KLF12: variants seen among roughly 807,000 people sequenced by gnomAD.
KLF12 encodes the protein Krueppel-like factor 12.
Under a neutral mutation model 37.8 loss-of-function variants are expected in KLF12, and 9 were observed. The observed-to-expected ratio is 0.24, with a 90% CI of 0.14 to 0.42. KLF12 has a LOEUF of 0.42. Among genes scored for constraint, KLF12 ranks in the 10% least tolerant of loss-of-function variants. KLF12 has a pLI of 1.00. For missense variants in KLF12, 411 were observed against 516.0 expected (o/e 0.80, Z 1.97); for synonymous variants, 208 against 202.1 (o/e 1.03, Z -0.25).
chr13:74,110,566 A>G (rs1273751637), intron 1 of KLF12, among the ~76,000 whole-genome samples: 1 of 152,166 alleles, frequency 6.6e-6, no homozygotes, highest in Non-Finnish European at 1.5e-5. Flanking sequence ...AACCCTCCCA[A>G]CAAATGCAAA....
intron 1 of KLF12, among the ~76,000 whole-genome samples, chr13:73,996,106 ACC>A (rs1470311241): frequency 3.3e-5 from 5 of 152,328 alleles, no homozygotes; most frequent in African/African-American, 1.2e-4. Flanking sequence ...CATAGGCTTG[ACC>A]AGTGAAGGAA....
chr13:73,878,684 T>G (rs1338201496), intron 3 of KLF12, among the ~76,000 whole-genome samples: 1 of 149,378 alleles, frequency 6.7e-6, no homozygotes, highest in South Asian at 2.1e-4. Flanking sequence ...GAGAGTGCCA[T>G]GGGAGGAGGT....
chr13:73,712,098 G>A (rs1875441374), intron 7 of KLF12, among the ~76,000 whole-genome samples: 1 of 152,150 alleles, frequency 6.6e-6, no homozygotes, highest in South Asian at 2.1e-4. Flanking sequence ...CAGCACTTTG[G>A]GAGGCTGAGG....
chr13:74,229,404 C>T, the KLF12 span, among the ~76,000 whole-genome samples: 6 of 152,164 alleles, frequency 3.9e-5, no homozygotes, highest in African/African-American at 1.2e-4. Context: ...GCCAGGTTCA[C>T]GAGTTCTACC....
At chr13:73,794,669 C>A (rs928726051) in intron 5 of KLF12, among the ~76,000 whole-genome samples, 2 of 152,124 alleles carry the variant, frequency 1.3e-5, no homozygotes, top group Admixed American at 6.5e-5. Flanking sequence ...TCCCCTTCTC[C>A]TGATGAAGTA....
chr13:73,979,661 TAAACTAAATA>T, intron 2 of KLF12, among the ~76,000 whole-genome samples: 1 of 152,094 alleles, frequency 6.6e-6, no homozygotes, highest in East Asian at 1.9e-4. Context: ...CATTATGAAA[TAAACTAAATA>T]AAGCACAAGG....
the KLF12 span, among the ~76,000 whole-genome samples, chr13:74,181,233 C>G: frequency 6.6e-6 from 1 of 151,682 alleles, no homozygotes; most frequent in African/African-American, 2.4e-5. Flanking sequence ...CTCCTGACCT[C>G]GTGATCCACC....
At chr13:74,241,387 C>T in the KLF12 span, among the ~76,000 whole-genome samples, 38 of 152,250 alleles carry the variant, frequency 2.5e-4, no homozygotes, top group Admixed American at 2.5e-3. Flanking sequence ...GAGGTTACTG[C>T]TGTCTTTTTG....
intron 1 of KLF12, among the ~76,000 whole-genome samples, chr13:74,001,635 A>G (rs1566499663): frequency 1.3e-5 from 2 of 152,256 alleles, no homozygotes; most frequent in South Asian, 2.1e-4. Context: ...GATAAATCCT[A>G]TTCAAATGCA....
At chr13:73,726,247 G>C (rs1004261977) in intron 6 of KLF12, among the ~76,000 whole-genome samples, 16 of 152,212 alleles carry the variant, frequency 1.1e-4, no homozygotes, top group Non-Finnish European at 2.2e-4. Flanking sequence ...TACATCCCCA[G>C]CACTTCTTAA....
the KLF12 span, among the ~76,000 whole-genome samples, chr13:74,184,911 T>C: frequency 2.0e-5 from 3 of 152,254 alleles, no homozygotes; most frequent in Admixed American, 6.5e-5. Flanking sequence ...GTTACTTCAG[T>C]AAATGTTCTG....
intron 1 of KLF12, among the ~76,000 whole-genome samples, chr13:74,083,465 C>A (rs1412762719): frequency 6.8e-6 from 1 of 147,040 alleles, no homozygotes; most frequent in Non-Finnish European, 1.5e-5. Context: ...CGTGATTGTG[C>A]CATTGCACTC....
intron 3 of KLF12, among the ~76,000 whole-genome samples, chr13:73,908,108 T>C (rs1888388632): frequency 1.3e-5 from 2 of 152,080 alleles, no homozygotes; most frequent in South Asian, 4.1e-4. Context: ...CTAATTAAAA[T>C]ATTAATGCTT....
chr13:73,930,107 T>C (rs1055354135), intron 3 of KLF12, among the ~76,000 whole-genome samples: 5 of 152,190 alleles, frequency 3.3e-5, no homozygotes, highest in African/African-American at 1.2e-4. Flanking sequence ...AACAATTTAC[T>C]CTGTCCAATA....
the KLF12 span, among the ~76,000 whole-genome samples, chr13:74,262,437 A>G: frequency 6.6e-6 from 1 of 152,236 alleles, no homozygotes; most frequent in African/African-American, 2.4e-5. Flanking sequence ...CAATTGGTTC[A>G]AGGACCTTCT....
intron 7 of KLF12, among the ~76,000 whole-genome samples, chr13:73,705,756 A>T (rs1216223713): frequency 6.6e-6 from 1 of 152,212 alleles, no homozygotes; most frequent in Non-Finnish European, 1.5e-5. Context: ...AAGACTGAAG[A>T]TATTATTATT....
chr13:73,848,520 G>C (rs568740235), intron 3 of KLF12, among the ~76,000 whole-genome samples: 1 of 147,794 alleles, frequency 6.8e-6, no homozygotes, highest in Non-Finnish European at 1.5e-5. Context: ...TGAACAACAG[G>C]GTTATACCTC....
intron 3 of KLF12, among the ~76,000 whole-genome samples, chr13:73,888,520 T>C (rs986643668): frequency 6.6e-6 from 1 of 152,202 alleles, no homozygotes; most frequent in African/African-American, 2.4e-5. Context: ...TAAAAACTTT[T>C]ATCAGCAAAA....
At chr13:74,081,222 C>G (rs1006593629) in intron 1 of KLF12, among the ~76,000 whole-genome samples, 19 of 152,116 alleles carry the variant, frequency 1.2e-4, no homozygotes, top group African/African-American at 4.6e-4. Flanking sequence ...GATTACATTA[C>G]AGAAAAATAA....
Sources: allele counts gnomAD v4.1 joint callset (sites outside exome capture counted in the v4.1 genomes callset), GRCh38; gene constraint gnomAD v4.1.1; transcripts MANE v1.5; gene names NCBI Gene and HGNC (gene_info 2026-07-23, HGNC 2026-07-21).